FAM13C: variants seen among roughly 807,000 people sequenced by gnomAD.
FAM13C encodes the protein family with sequence similarity 13 member C.
In FAM13C, 37 loss-of-function variants were observed where a neutral mutation model predicts 73.2. The ratio of observed to expected loss-of-function variants is 0.51; its 90% CI spans 0.39 to 0.67. The LOEUF (loss-of-function observed/expected upper bound fraction) is 0.67. FAM13C is among the 30% of genes least tolerant of loss of function. FAM13C has a pLI of 0.00. For synonymous variants in FAM13C, 246 were observed against 260.9 expected (o/e 0.94, Z 0.55); for missense variants, 589 against 715.6 (o/e 0.82, Z 2.02).
intron 3 of FAM13C, among the ~76,000 whole-genome samples, chr10:59,347,867 T>C (rs889661421): frequency 1.3e-5 from 2 of 152,222 alleles, no homozygotes; most frequent in African/African-American, 4.8e-5. Flanking sequence ...CATCCTTTTA[T>C]ATGGCTGCAT....
intron 13 of FAM13C, among the ~76,000 whole-genome samples, chr10:59,249,803 C>T (rs1243315820): frequency 2.6e-5 from 4 of 152,172 alleles, no homozygotes; most frequent in African/African-American, 9.7e-5. Flanking sequence ...CATAAAACTT[C>T]ATAGACAAAT....
At chr10:59,303,627 CCCA>C (rs1847856023) in intron 4 of FAM13C, among the ~76,000 whole-genome samples, 1 of 152,058 alleles carries the variant, frequency 6.6e-6, no homozygotes, top group Non-Finnish European at 1.5e-5. Flanking sequence ...GTGGTTTGTT[CCCA>C]CCAAAACTCA....
intron 3 of FAM13C, among the ~76,000 whole-genome samples, chr10:59,336,805 T>C (rs1455824632): frequency 6.6e-6 from 1 of 152,154 alleles, no homozygotes; most frequent in Non-Finnish European, 1.5e-5. Context: ...AACTTAGAAA[T>C]AGAAAAACGT....
intron 5 of FAM13C, among the ~76,000 whole-genome samples, chr10:59,285,281 C>T (rs1010301423): frequency 3.3e-5 from 5 of 152,202 alleles, no homozygotes; most frequent in Non-Finnish European, 4.4e-5. Context: ...GGAAGTTTTC[C>T]CAGCAGCTGA....
chr10:59,304,009 G>T (rs112918313), intron 4 of FAM13C, among the ~76,000 whole-genome samples: 1 of 152,038 alleles, frequency 6.6e-6, no homozygotes, highest in East Asian at 1.9e-4. Context: ...TTAGTGGGGC[G>T]TGGTGGCAGG....
chr10:59,264,064 A>C, intron 9 of FAM13C, 21 bp downstream of exon 9: 1 of 1,608,258 alleles, frequency 6.2e-7, no homozygotes, highest in South Asian at 1.1e-5. Context: ...TGAGGAAAAA[A>C]GATCTTTGGC....
chr10:59,263,162 T>C (rs186276382), intron 9 of FAM13C, among the ~76,000 whole-genome samples: 3 of 152,296 alleles, frequency 2.0e-5, no homozygotes, highest in South Asian at 4.1e-4. Context: ...TGTCTTATGA[T>C]AGCTTTTAAG....
At chr10:59,268,168 T>A (rs1024955546) in intron 8 of FAM13C, among the ~76,000 whole-genome samples, 4 of 151,718 alleles carry the variant, frequency 2.6e-5, no homozygotes, top group Non-Finnish European at 5.9e-5. Context: ...CCCTTGGATC[T>A]TTAATAAGTT....
chr10:59,330,928 T>A (rs1345979904), intron 3 of FAM13C, among the ~76,000 whole-genome samples: 2 of 152,156 alleles, frequency 1.3e-5, no homozygotes, highest in East Asian at 1.9e-4. Context: ...ACCAGCCTGA[T>A]CCCTCACAGC....
intron 3 of FAM13C, among the ~76,000 whole-genome samples, chr10:59,330,525 T>A (rs1851832949): frequency 1.3e-5 from 2 of 152,182 alleles, no homozygotes; most frequent in Admixed American, 1.3e-4. Flanking sequence ...GTTAAAGGAC[T>A]CAGGGACTCT....
In FAM13C at chr10:59,254,419, T is replaced by C. The variant is rs557797592; in HGVS notation, c.1261A>G (p.Ile421Val). The C allele has an allele frequency of 7.1e-6, 11 of 1,551,094 alleles. No individual in the cohort carries two copies. The African/African-American group carries it at 9.6e-5, about 14-fold the overall frequency. ...CTGTATCGGTCATAAAGCGGCTTTA[T>C]GAGGTTCTTGTCTTGCTTAGTTACC... ...SKVTKQDKNL[I>V]KPLYDRYRII... Residue 421 changes from isoleucine (I) to valine (V), a missense_variant, in exon 11 of 14, where the codon ATA (isoleucine) becomes GTA (valine). Transcript: ENST00000618804.
intron 4 of FAM13C, among the ~76,000 whole-genome samples, chr10:59,322,901 G>A (rs986131436): frequency 6.6e-6 from 1 of 152,174 alleles, no homozygotes; most frequent in Non-Finnish European, 1.5e-5. Context: ...CTGAGGTCAG[G>A]TAAGAGTAAA....
chr10:59,314,542 C>G (rs1403956298), intron 4 of FAM13C, among the ~76,000 whole-genome samples: 1 of 152,178 alleles, frequency 6.6e-6, no homozygotes, highest in Non-Finnish European at 1.5e-5. Flanking sequence ...CCCAGGGGCT[C>G]TATTAATGTG....
At chr10:59,314,679 C>T (rs1036089749) in intron 4 of FAM13C, among the ~76,000 whole-genome samples, 2 of 152,068 alleles carry the variant, frequency 1.3e-5, no homozygotes, top group Non-Finnish European at 2.9e-5. Flanking sequence ...CAATCTTTCT[C>T]CCCTTGGACC....
chr10:59,311,104 A>T (rs2133931176), intron 4 of FAM13C, among the ~76,000 whole-genome samples: 1 of 152,122 alleles, frequency 6.6e-6, no homozygotes, highest in Non-Finnish European at 1.5e-5. Context: ...CACCATGAAA[A>T]ACTTCAAATA....
intron 8 of FAM13C, among the ~76,000 whole-genome samples, chr10:59,265,335 G>GGGGGCGGGGGCGGA (rs78422182): frequency 6.2e-5 from 1 of 16,056 alleles, no homozygotes; most frequent in African/African-American, 2.9e-4. Context: ...GGGGGGGGGG[G>GGGGGCGGGGGCGGA]AATCCTGGTT....
chr10:59,307,927 G>T (rs1481001851), intron 4 of FAM13C, among the ~76,000 whole-genome samples: 1 of 152,096 alleles, frequency 6.6e-6, no homozygotes. Flanking sequence ...GTTTAGCAAT[G>T]AATGATGGAG....
chr10:59,294,914 T>C (rs1589494738), intron 5 of FAM13C, among the ~76,000 whole-genome samples: 1 of 152,192 alleles, frequency 6.6e-6, no homozygotes, highest in Non-Finnish European at 1.5e-5. Context: ...GAAAATTACC[T>C]TGGAGATCAT....
At chr10:59,325,806 T>G (rs1280172968) in intron 3 of FAM13C, among the ~76,000 whole-genome samples, 4 of 152,164 alleles carry the variant, frequency 2.6e-5, no homozygotes, top group Non-Finnish European at 5.9e-5. Flanking sequence ...CTGAACCTAG[T>G]GCTCAGTTAA....
Sources: allele counts gnomAD v4.1 joint callset (sites outside exome capture counted in the v4.1 genomes callset), GRCh38; gene constraint gnomAD v4.1.1; transcripts MANE v1.5; gene names NCBI Gene and HGNC (gene_info 2026-07-23, HGNC 2026-07-21).